Variants in FLRT2 observed in about 807,000 individuals in gnomAD.
The protein encoded by FLRT2 is leucine-rich repeat transmembrane protein FLRT2.
In FLRT2, 15 loss-of-function variants were observed where a neutral mutation model predicts 40.0. That is an observed-to-expected ratio of 0.38 (90% CI 0.25 to 0.58). The LOEUF is 0.58. Ranked by LOEUF, FLRT2 falls within the 20% of genes least tolerant of loss-of-function variation. The pLI is 0.71. For synonymous variants in FLRT2, 380 were observed against 336.8 expected, an observed-to-expected ratio of 1.13 and a Z score of -1.41; for missense variants, 726 against 840.0, an observed-to-expected ratio of 0.86 and a Z score of 1.68.
chr14:85,596,332 A>G (rs184170786), intron 1 of FLRT2, among the ~76,000 whole-genome samples: 3 of 152,338 alleles, frequency 2.0e-5, no homozygotes, highest in African/African-American at 7.2e-5. Flanking sequence ...CTTAAATAGA[A>G]TCAGGCGTTT....
In FLRT2 at chr14:85,621,497, T is replaced by C; in HGVS notation, c.-18T>C. 1 of 1,559,994 alleles carries C rather than the reference T, an allele frequency of 6.4e-7. No homozygotes were observed. Among genetic ancestry groups the C allele is most frequent in the Non-Finnish European group, 8.6e-7 (1 of 1,157,146 alleles). The stretch of plus-strand genomic sequence containing the variant: ...TTCTTTTTCCCACCACATTGTATTT[T>C]ATTTCCGTACTTCAGAAATGGGCCT... On this transcript the variant is annotated 5_prime_UTR_variant, in exon 2 of 2. Transcript: ENST00000330753.
chr14:85,531,796 G>T (rs971834067), intron 1 of FLRT2, among the ~76,000 whole-genome samples: 4 of 152,170 alleles, frequency 2.6e-5, no homozygotes, highest in African/African-American at 9.6e-5. Flanking sequence ...AAGTCAACGC[G>T]CTTTCCCAGC....
chr14:85,578,412 A>C (rs1891226976), intron 1 of FLRT2, among the ~76,000 whole-genome samples: 1 of 151,938 alleles, frequency 6.6e-6, no homozygotes, highest in South Asian at 2.1e-4. Flanking sequence ...CATTATTATC[A>C]GAAGAGAACA....
Position 85,609,345 on chromosome 14 carries a change from G to A in FLRT2, c.-376-11794G>A, listed in dbSNP as rs540467704. Among the ~76,000 whole-genome samples the A allele has an allele frequency of 7.9e-5, 12 of 152,254 alleles. No individual in the cohort carries two copies. The South Asian group carries it at 2.3e-3, about 29-fold the overall frequency. On this transcript the variant is annotated intron_variant, in intron 1 of 1. Transcript: ENST00000330753. ...GAGGGGTGTTGGTTGTAGGTCTAAGGTTGGTACTGTGGTCAATTTCAGCTT... is the reference window on the plus strand; with the variant it reads ...GAGGGGTGTTGGTTGTAGGTCTAAGATTGGTACTGTGGTCAATTTCAGCTT...
intron 1 of FLRT2, among the ~76,000 whole-genome samples, chr14:85,604,594 G>T (rs1248090764): frequency 1.3e-5 from 2 of 149,570 alleles, no homozygotes; most frequent in African/African-American, 5.0e-5. Context: ...ACTCCACCAA[G>T]AAAGAAAAAA....
At chr14:85,610,478 A>G (rs1210225936) in intron 1 of FLRT2, among the ~76,000 whole-genome samples, 1 of 152,210 alleles carries the variant, frequency 6.6e-6, no homozygotes, top group Non-Finnish European at 1.5e-5. Flanking sequence ...CCGTGAGAAT[A>G]GAATCTAAAT....
At chr14:85,532,104 C>A (rs1455262483) in intron 1 of FLRT2, among the ~76,000 whole-genome samples, 2 of 152,240 alleles carry the variant, frequency 1.3e-5, no homozygotes, top group Non-Finnish European at 2.9e-5. Context: ...ACGAGTAGTG[C>A]GGTCGCGCCT....
chr14:85,615,316 T>C (rs1307501055), intron 1 of FLRT2, among the ~76,000 whole-genome samples: 1 of 152,222 alleles, frequency 6.6e-6, no homozygotes, highest in Non-Finnish European at 1.5e-5. Flanking sequence ...CTCCAACCAA[T>C]TGGAAACCAT....
At chr14:85,597,903 T>A (rs1892213088) in intron 1 of FLRT2, among the ~76,000 whole-genome samples, 1 of 152,246 alleles carries the variant, frequency 6.6e-6, no homozygotes, top group Non-Finnish European at 1.5e-5. Flanking sequence ...ACTGCTGAGA[T>A]GATATATTCT....
At position 85,626,512 on chromosome 14, in the gene FLRT2, G is replaced by T. The variant is rs1893689033; in HGVS notation, c.*3015G>T. 6.0e-6 allele frequency: 1 copy of T among 167,044 alleles called. No homozygotes were observed. The highest frequency in any genetic ancestry group is 2.4e-5 in the African/African-American group (1 of 41,454). The allele number at this position is 167,044 out of a possible 1,614,324, so 10.3% of individuals were successfully genotyped here. On this transcript the variant is annotated 3_prime_UTR_variant, in exon 2 of 2. Coordinates refer to ENST00000330753, the MANE Select transcript of FLRT2 (RefSeq NM_013231.6). ...TACAGAAGACATTGAAAAGGAAGAGGCATAGTCATGATCAAAAGGATATAT... is the reference window on the plus strand; with the variant it reads ...TACAGAAGACATTGAAAAGGAAGAGTCATAGTCATGATCAAAAGGATATAT...
rs767247917 is a variant in FLRT2, at chr14:85,622,879, G to A, written c.1365G>A (p.Val455=). Residue 455 remains valine, a synonymous_variant, in exon 2 of 2, where the codon GTG becomes GTA. Transcript: ENST00000330753. ...FTVMAYKLTW[V]KMGHSLVGGI... Reference sequence around the variant, plus strand: ...TGATGGCATACAAACTCACATGGGTGAAAATGGGCCACAGTTTAGTAGGGG... The same window carrying A: ...TGATGGCATACAAACTCACATGGGTAAAAATGGGCCACAGTTTAGTAGGGG... The A allele has an allele frequency of 6.2e-7, 1 of 1,614,238 alleles. No homozygotes were observed. The highest frequency in any genetic ancestry group is 8.5e-7 in the Non-Finnish European group (1 of 1,180,042).
In FLRT2 at chr14:85,621,911, T is replaced by A. The variant is rs142516343; in HGVS notation, c.397T>A (p.Leu133Met). The change falls in exon 2 of 2, where the codon TTG (leucine) becomes ATG (methionine). Residue 133 changes from leucine (L) to methionine (M), a missense_variant. Around this residue, in one of 3 missense-constraint regions of FLRT2, gnomAD observed 611 missense variants for 690.0 expected, o/e 0.89. Coordinates refer to ENST00000330753, the MANE Select transcript of FLRT2 (RefSeq NM_013231.6). ...TTCACGGGCTGCTCTTGCCCAGCTC[T>A]TGAAGCTTGAAGAGCTGCACCTGGA... ...TISRAALAQLLKLEELHLDDN... is the reference protein window; with the variant it reads ...TISRAALAQLMKLEELHLDDN... The A allele has an allele frequency of 1.2e-6, 2 of 1,602,648 alleles. No individual in the cohort carries two copies. The highest frequency in any genetic ancestry group is 2.2e-5 in the South Asian group (2 of 88,904).
chr14:85,621,318 G>A lies in FLRT2; in HGVS notation c.-197G>A. 1 of 575,942 alleles carries A rather than the reference G, an allele frequency of 1.7e-6. No individual in the cohort carries two copies. The highest frequency in any genetic ancestry group is 2.6e-5 in the South Asian group (1 of 38,018). The allele number at this position is 575,942 out of a possible 1,614,324, so 35.7% of individuals were successfully genotyped here. On this transcript the variant is annotated 5_prime_UTR_variant, in exon 2 of 2. Coordinates refer to ENST00000330753, the MANE Select transcript of FLRT2 (RefSeq NM_013231.6). ...TTGAATTTTTTGCACATGGAGGACAGCAGCAAAGAGGGCAACACAGGCTGA... is the reference window on the plus strand; with the variant it reads ...TTGAATTTTTTGCACATGGAGGACAACAGCAAAGAGGGCAACACAGGCTGA...
At chr14:85,540,167 C>T (rs1888904473) in intron 1 of FLRT2, among the ~76,000 whole-genome samples, 1 of 152,126 alleles carries the variant, frequency 6.6e-6, no homozygotes, top group African/African-American at 2.4e-5. Flanking sequence ...TGCAAACACA[C>T]ACCAATAGAA....
chr14:85,596,501 CGTTGTT>C (rs60592534), intron 1 of FLRT2, among the ~76,000 whole-genome samples: 1 of 151,676 alleles, frequency 6.6e-6, no homozygotes, highest in African/African-American at 2.4e-5. Flanking sequence ...TCTTTGTTGT[CGTTGTT>C]GTTGTTGTTG....
intron 1 of FLRT2, among the ~76,000 whole-genome samples, chr14:85,539,173 A>C (rs1317140432): frequency 6.6e-6 from 1 of 151,854 alleles, no homozygotes; most frequent in East Asian, 1.9e-4. Context: ...TTTATTTCTC[A>C]CAACTGCCTC....
At chr14:85,546,508 C>G (rs1313353137) in intron 1 of FLRT2, among the ~76,000 whole-genome samples, 1 of 152,244 alleles carries the variant, frequency 6.6e-6, no homozygotes, top group East Asian at 1.9e-4. Context: ...CCACAGGCAG[C>G]CAGCTCCATT....
intron 1 of FLRT2, among the ~76,000 whole-genome samples, chr14:85,554,785 A>G (rs1455678598): frequency 6.6e-6 from 1 of 152,218 alleles, no homozygotes; most frequent in African/African-American, 2.4e-5. Context: ...ATGAATTTCA[A>G]TAAACAGCCT....
chr14:85,568,171 A>G (rs3866767), intron 1 of FLRT2, among the ~76,000 whole-genome samples: 127,410 of 151,028 alleles, frequency 0.84, 54,129 homozygotes, highest in African/African-American at 0.93. Flanking sequence ...ATAGGGAAGT[A>G]GGGGTAGGCA....
Sources: gnomAD v4.1 joint callset for allele counts (sites outside exome capture counted in the v4.1 genomes callset) on GRCh38, gnomAD v4.1.1 for gene constraint, gnomAD v4.1.1 regional missense constraint, MANE v1.5 for transcripts, NCBI Gene and HGNC (gene_info 2026-07-23, HGNC 2026-07-21) for gene names.